HECTD4: variants seen among roughly 807,000 people sequenced by gnomAD.
The protein encoded by HECTD4 is HECT domain E3 ubiquitin protein ligase 4, also known as probable E3 ubiquitin-protein ligase HECTD4.
A neutral mutation model predicts 471.5 loss-of-function variants in HECTD4; 114 were observed. The observed-to-expected ratio is 0.24, with a 90% confidence interval of 0.21 to 0.28. HECTD4 has a LOEUF of 0.28. Ranked by LOEUF, HECTD4 falls within the 10% of genes least tolerant of loss-of-function variation. The pLI is 1.00. For synonymous variants in HECTD4, 2,012 were observed against 2,256.0 expected (o/e 0.89, Z 3.07); for missense variants, 3,866 against 5,651.5 (o/e 0.68, Z 10.13).
rs1416168499 is a variant in HECTD4, at chr12:112,194,551, A to C, written c.8749+334T>G. On this transcript the variant is annotated intron_variant, in intron 56 of 75. Transcript: ENST00000682272. The surrounding 1 kb of genome is among the most constrained non-coding windows in gnomAD (Gnocchi z 4.6). ...GCTTTGGAGGACGCTGATGACAGGAACATCTCCTTTCTTTCTAATGTCAAA... is the reference window on the plus strand; with the variant it reads ...GCTTTGGAGGACGCTGATGACAGGACCATCTCCTTTCTTTCTAATGTCAAA... Among the ~76,000 whole-genome samples the C allele has an allele frequency of 1.3e-5, 2 of 152,234 alleles. No individual in the cohort carries two copies. Among genetic ancestry groups the C allele is most frequent in the African/African-American group, 4.8e-5 (2 of 41,464 alleles).
intron 4 of HECTD4, among the ~76,000 whole-genome samples, chr12:112,310,615 G>A (rs2035352376): frequency 6.6e-6 from 1 of 152,246 alleles, no homozygotes; most frequent in South Asian, 2.1e-4. Context: ...CGTCAAATTA[G>A]TACTAAAAAT....
intron 70 of HECTD4, among the ~76,000 whole-genome samples, chr12:112,168,476 G>A (rs1366166567): frequency 1.3e-5 from 2 of 152,228 alleles, no homozygotes; most frequent in Non-Finnish European, 2.9e-5. Context: ...CTTTGGTTTT[G>A]TTGTAAATCT....
intron 32 of HECTD4, among the ~76,000 whole-genome samples, chr12:112,240,631 A>G (rs1328356473): frequency 6.6e-6 from 1 of 151,650 alleles, no homozygotes. Flanking sequence ...TTTGACTTTT[A>G]GTAGAGATGA....
chr12:112,172,594 GC>G, intron 67 of HECTD4, 76 bp downstream of exon 67: 1 of 1,393,290 alleles, frequency 7.2e-7, no homozygotes, highest in Non-Finnish European at 1.0e-6. Flanking sequence ...AATGAATCTA[GC>G]CCTTGTAAAT....
intron 7 of HECTD4, chr12:112,302,602 T>C: frequency 1.5e-6 from 1 of 653,898 alleles, no homozygotes; most frequent in African/African-American, 1.8e-5. Flanking sequence ...TTTCTTGGCC[T>C]CCTGCTTCTT....
At chr12:112,175,646 G>T in intron 66 of HECTD4, 90 bp downstream of exon 66, 1 of 1,428,712 alleles carries the variant, frequency 7.0e-7, no homozygotes, top group Non-Finnish European at 9.7e-7. Context: ...TATCAACAGG[G>T]GAGACGGATC....
At chr12:112,200,488 A>G (rs1389949632) in intron 55 of HECTD4, 150 bp downstream of exon 55, 3 of 796,390 alleles carry the variant, frequency 3.8e-6, no homozygotes, top group African/African-American at 3.5e-5. Flanking sequence ...CACCTCCTGC[A>G]ATTTTGCTGT....
rs1269820177 is a variant in HECTD4 at position 112,194,747 on chromosome 12, G to T, written c.8749+138C>A. ...AGAAAGCCCTGCCAGGAGAATCCCA[G>T]TTCCTGCGTGCAATTTCTCACGTGA... On this transcript the variant is annotated intron_variant, in intron 56 of 75. Transcript: ENST00000682272. This position sits in a 1 kb window ranked among gnomAD's most constrained non-coding sequence, Gnocchi z 4.6. The T allele has an allele frequency of 5.4e-6, 4 of 745,160 alleles. No homozygotes were observed. The highest frequency in any genetic ancestry group is 1.9e-5 in the South Asian group (1 of 52,610). 46.2% of individuals were successfully genotyped at this position (745,160 alleles called of 1,614,324 possible).
intron 1 of HECTD4, among the ~76,000 whole-genome samples, chr12:112,324,399 C>A (rs2135708311): frequency 6.6e-6 from 1 of 152,042 alleles, no homozygotes; most frequent in African/African-American, 2.4e-5. Flanking sequence ...AGAGTATAGG[C>A]ATGATCCACT....
intron 7 of HECTD4, among the ~76,000 whole-genome samples, chr12:112,285,386 G>A (rs904121669): frequency 6.6e-6 from 1 of 151,914 alleles, no homozygotes; most frequent in Non-Finnish European, 1.5e-5. Flanking sequence ...TTAGTTAAAC[G>A]TTACCCACTC....
Position 112,190,833 on chromosome 12 carries a change from G to A in HECTD4, c.9425C>T (p.Pro3142Leu). Residue 3142 changes from proline to leucine, a missense_variant, in exon 60 of 76, where the codon CCT (proline) becomes CTT (leucine). By Grantham distance (98) the Pro-to-Leu change is moderately conservative. Transcript: ENST00000682272. ...GAGGACGGATGTCGGAATGGTGTCA[G>A]GCTCATCTTCGGACTTCCCTTCACT... Reference protein sequence around the residue: ...EDSEGKSEDEPDTIPTSVLLQ... With the variant: ...EDSEGKSEDELDTIPTSVLLQ... The A allele has an allele frequency of 1.3e-6, 2 of 1,589,364 alleles. No individual in the cohort carries two copies. The highest frequency in any genetic ancestry group is 1.7e-6 in the Non-Finnish European group (2 of 1,167,936).
Position 112,236,929 on chromosome 12 carries a change from G to C in HECTD4, c.5444+16C>G. The stretch of plus-strand genomic sequence containing the variant: ...AAGCCAGCTTCTCCCAGAGCTCCAG[G>C]CTGGACCTTGCATACCTTGAGAGAT... On this transcript the variant is annotated intron_variant, in intron 35 of 75. Transcript: ENST00000682272. 1 of 1,583,602 alleles carries C rather than the reference G, an allele frequency of 6.3e-7. No homozygotes were observed. Among genetic ancestry groups the C allele is most frequent in the Non-Finnish European group, 8.6e-7 (1 of 1,161,120 alleles).
chr12:112,235,559 T>G lies in HECTD4; in HGVS notation c.5670A>C (p.Pro1890=). Residue 1890 remains proline (P), a synonymous_variant, in exon 36 of 76, where the codon CCA becomes CCC. Transcript: ENST00000682272. This position sits in a 1 kb window ranked among gnomAD's most constrained non-coding sequence, Gnocchi z 5.0. Reference sequence around the variant, plus strand: ...AGAGCAGGGAGGCGATCTTGGAAGCTGGGTCGCTGGGATCCTCCTGCTCAC... The same window carrying G: ...AGAGCAGGGAGGCGATCTTGGAAGCGGGGTCGCTGGGATCCTCCTGCTCAC... The part of the protein sequence containing the change: ...LNSEQEDPSD[P]ASKIASLLLA... 6.2e-7 allele frequency: 1 copy of G among 1,613,842 alleles called. No individual in the cohort carries two copies. The highest frequency in any genetic ancestry group is 8.5e-7 in the Non-Finnish European group (1 of 1,179,818).
intron 7 of HECTD4, among the ~76,000 whole-genome samples, chr12:112,298,831 G>A (rs1294898436): frequency 6.7e-6 from 1 of 148,458 alleles, no homozygotes; most frequent in South Asian, 2.2e-4. Flanking sequence ...GCAGTCAGCC[G>A]AGATCACACC....
chr12:112,258,632 T>C, intron 19 of HECTD4, 36 bp from the exon 20 acceptor site: 1 of 1,530,104 alleles, frequency 6.5e-7, no homozygotes, highest in Admixed American at 2.0e-5. Flanking sequence ...CTTCCAGGGC[T>C]ACTGTCAGTT....
intron 7 of HECTD4, 42 bp from the exon 8 acceptor site, chr12:112,283,344 C>T (rs777624109): frequency 6.8e-7 from 1 of 1,477,442 alleles, no homozygotes; most frequent in Non-Finnish European, 9.2e-7. Context: ...ATATCTGTTT[C>T]CATTTAGTTA....
rs370128307 is a variant in HECTD4, at chr12:112,235,613, G to C, written c.5616C>G (p.Pro1872=). The C allele has an allele frequency of 5.4e-4, 875 of 1,614,016 alleles. No individual in the cohort carries two copies. The highest frequency in any genetic ancestry group is 6.4e-4 in the Non-Finnish European group (750 of 1,179,880). ...VEDCGNVELP[P]WSYSVPSLNS... is the part of the protein sequence containing the mutation. ...TTAAGGAGGGGACAGAGTAGCTCCA[G>C]GGTGGGAGCTCCACGTTTCCACAGT... is the stretch of plus-strand genomic sequence containing the variant. Residue 1872 remains proline, a synonymous_variant, in exon 36 of 76, where the codon CCC becomes CCG. Coordinates refer to ENST00000682272, the MANE Select transcript of HECTD4 (RefSeq NM_001388303.1). The surrounding 1 kb of genome is among the most constrained non-coding windows in gnomAD (Gnocchi z 5.0).
Position 112,239,182 on chromosome 12 carries a change from C to T in HECTD4, c.5160G>A (p.Leu1720=), listed in dbSNP as rs1034766474. ...RSGLVQLMDR[L]CSLSNQTESS... is the part of the protein sequence containing the mutation. Reference sequence around the variant, plus strand: ...ACTCGGTCTGATTGCTCAAGCTACACAGTCGATCCATGAGCTGCACAAGGC... The same window carrying T: ...ACTCGGTCTGATTGCTCAAGCTACATAGTCGATCCATGAGCTGCACAAGGC... The change falls in exon 34 of 76, where the codon CTG becomes CTA. Residue 1720 remains leucine, a synonymous_variant. Coordinates refer to ENST00000682272, the MANE Select transcript of HECTD4 (RefSeq NM_001388303.1). The surrounding 1 kb of genome is among the most constrained non-coding windows in gnomAD (Gnocchi z 4.9). The T allele has an allele frequency of 9.9e-6, 16 of 1,613,842 alleles. No individual in the cohort carries two copies. Among genetic ancestry groups the T allele is most frequent in the Non-Finnish European group, 1.4e-5 (16 of 1,179,802 alleles).
rs1010112206 is a variant in HECTD4, at chr12:112,185,170, C to T, written c.9796G>A (p.Glu3266Lys). ...CTCATGTTAGTAGGCAGGGTCACTT[C>T]GGCCACAGCCAGGCACCCTTCCATG... is the stretch of plus-strand genomic sequence containing the variant. ...ALMEGCLAVA[E>K]VTLPTNMSVT... Residue 3266 changes from glutamate (E) to lysine (K), a missense_variant, in exon 61 of 76, where the codon GAA (glutamate) becomes AAA (lysine). Glu to Lys is a moderately conservative substitution (Grantham distance 56, BLOSUM62 1). Transcript: ENST00000682272. 3 of 1,552,026 alleles carry T rather than the reference C, an allele frequency of 1.9e-6. No homozygotes were observed. Among genetic ancestry groups the T allele is most frequent in the African/African-American group, 1.4e-5 (1 of 73,186 alleles).
Sources: gnomAD v4.1 joint callset for allele counts (sites outside exome capture counted in the v4.1 genomes callset) on GRCh38, gnomAD v4.1.1 for gene constraint, Gnocchi (gnomAD v3.1) non-coding constraint, MANE v1.5 for transcripts, NCBI Gene and HGNC (gene_info 2026-07-23, HGNC 2026-07-21) for gene names.